KCNIP4: variants seen among roughly 807,000 people sequenced by gnomAD.
KCNIP4 encodes the protein Kv channel-interacting protein 4.
KCNIP4 carries 12 observed loss-of-function variants against 34.0 expected under a neutral mutation model. The ratio of observed to expected loss-of-function variants is 0.35; its 90% CI spans 0.23 to 0.57. The LOEUF (loss-of-function observed/expected upper bound fraction) is 0.57, where lower values mean the gene tolerates loss of function less well. KCNIP4 is among the 20% of genes least tolerant of loss of function. KCNIP4 has a pLI of 0.83. For synonymous variants in KCNIP4, 124 were observed against 102.2 expected (o/e 1.21, Z -1.29); for missense variants, 238 against 311.7 (o/e 0.76, Z 1.78).
At chr4:20,888,895 C>G (rs1219072432) in intron 1 of KCNIP4, among the ~76,000 whole-genome samples, 1 of 152,112 alleles carries the variant, frequency 6.6e-6, no homozygotes, top group African/African-American at 2.4e-5. Context: ...GCTACCATGC[C>G]TGGTTTGTAA....
At chr4:21,447,806 C>T (rs986168677) in intron 1 of KCNIP4, among the ~76,000 whole-genome samples, 2 of 151,986 alleles carry the variant, frequency 1.3e-5, no homozygotes, top group Admixed American at 1.3e-4. Context: ...CTGAGAGCTA[C>T]TAAGTGATTA....
intron 1 of KCNIP4, among the ~76,000 whole-genome samples, chr4:21,300,672 T>C (rs1711569308): frequency 6.6e-6 from 1 of 152,164 alleles, no homozygotes; most frequent in Non-Finnish European, 1.5e-5. Flanking sequence ...GATGTTTCTC[T>C]ATTCTCTTGA....
At chr4:21,863,370 T>G (rs746530044) in intron 1 of KCNIP4, among the ~76,000 whole-genome samples, 8 of 152,028 alleles carry the variant, frequency 5.3e-5, no homozygotes, top group Non-Finnish European at 1.0e-4. Context: ...GCAACAGCAT[T>G]CTGCTTCCTG....
At chr4:21,835,202 GATA>G (rs1376059970) in intron 1 of KCNIP4, among the ~76,000 whole-genome samples, 1 of 152,020 alleles carries the variant, frequency 6.6e-6, no homozygotes, top group Non-Finnish European at 1.5e-5. Context: ...TATGAAAGAT[GATA>G]ATAAATTCTA....
chr4:21,202,228 C>T (rs1041103909), intron 1 of KCNIP4, among the ~76,000 whole-genome samples: 2 of 152,200 alleles, frequency 1.3e-5, no homozygotes, highest in South Asian at 4.1e-4. Flanking sequence ...GATGTATACA[C>T]CATGGAATAC....
At chr4:21,469,667 A>C (rs971577117) in intron 1 of KCNIP4, among the ~76,000 whole-genome samples, 3 of 152,110 alleles carry the variant, frequency 2.0e-5, no homozygotes, top group Admixed American at 6.6e-5. Flanking sequence ...TAACAGCTCT[A>C]CTTTGCAGAC....
chr4:20,903,700 C>G (rs1435548425), intron 1 of KCNIP4, among the ~76,000 whole-genome samples: 1 of 152,142 alleles, frequency 6.6e-6, no homozygotes, highest in African/African-American at 2.4e-5. Context: ...AGCTGCGCCC[C>G]AATCACCTTG....
intron 1 of KCNIP4, among the ~76,000 whole-genome samples, chr4:21,765,845 T>G (rs115498641): frequency 0.035 from 4,134 of 116,976 alleles, 190 homozygotes; most frequent in African/African-American, 0.11. Context: ...AAAAACAAAC[T>G]GAAGATGTGT....
chr4:21,639,567 AG>A (rs1746465035), intron 1 of KCNIP4, among the ~76,000 whole-genome samples: 2 of 120,014 alleles, frequency 1.7e-5, no homozygotes, highest in South Asian at 5.4e-4. Context: ...CAATCTGACA[AG>A]AATATTGATA....
intron 1 of KCNIP4, among the ~76,000 whole-genome samples, chr4:21,696,363 C>T (rs557158066): frequency 2.6e-5 from 4 of 151,782 alleles, no homozygotes; most frequent in Non-Finnish European, 5.9e-5. Flanking sequence ...AAATGTGACA[C>T]GATATCATAA....
chr4:21,741,170 T>C (rs1334005303), intron 1 of KCNIP4, among the ~76,000 whole-genome samples: 1 of 152,200 alleles, frequency 6.6e-6, no homozygotes, highest in African/African-American at 2.4e-5. Flanking sequence ...CCCAATTTTA[T>C]TTTTTCCATT....
chr4:21,933,237 C>T (rs577965789), intron 1 of KCNIP4, among the ~76,000 whole-genome samples: 1 of 152,046 alleles, frequency 6.6e-6, no homozygotes, highest in Non-Finnish European at 1.5e-5. Context: ...TTATCTTGTT[C>T]CCCTGCTTAA....
At chr4:21,230,465 C>A (rs969609578) in intron 1 of KCNIP4, among the ~76,000 whole-genome samples, 1 of 152,150 alleles carries the variant, frequency 6.6e-6, no homozygotes, top group Non-Finnish European at 1.5e-5. Flanking sequence ...TTAAGTCCCG[C>A]GTGCATTAGC....
At chr4:20,903,345 C>T (rs976456609) in intron 1 of KCNIP4, among the ~76,000 whole-genome samples, 3 of 152,054 alleles carry the variant, frequency 2.0e-5, no homozygotes, top group African/African-American at 7.2e-5. Flanking sequence ...ACACTTTGGT[C>T]ATATATTACT....
At chr4:20,848,304 G>A (rs1225929961) in intron 3 of KCNIP4, among the ~76,000 whole-genome samples, 1 of 151,692 alleles carries the variant, frequency 6.6e-6, no homozygotes, top group Admixed American at 6.6e-5. Flanking sequence ...AGAGGAGGAT[G>A]GGGAAGAGCT....
chr4:21,728,602 C>T (rs1197912571), intron 1 of KCNIP4, among the ~76,000 whole-genome samples: 1 of 152,146 alleles, frequency 6.6e-6, no homozygotes, highest in Non-Finnish European at 1.5e-5. Flanking sequence ...CTACCCATTC[C>T]ATTTGAGGAA....
chr4:21,920,220 T>C (rs1728863128), intron 1 of KCNIP4, among the ~76,000 whole-genome samples: 2 of 152,140 alleles, frequency 1.3e-5, no homozygotes, highest in South Asian at 4.1e-4. Context: ...CTTTACTAAA[T>C]ACAACTGAGT....
chr4:21,519,725 C>CGT lies in KCNIP4; in HGVS notation c.61+428844_61+428845dup, dbSNP rs1560480944. ...GTGTATGTATGTGTATATATACACA[C>CGT]GTGTGTATATGTATGATACACACGT... On this transcript the variant is annotated intron_variant, in intron 1 of 8. Coordinates refer to ENST00000382152, the MANE Select transcript of KCNIP4 (RefSeq NM_025221.6). Among the ~76,000 whole-genome samples the CGT allele has an allele frequency of 4.2e-4, 47 of 112,050 alleles. 3 individuals are homozygous for CGT. The East Asian group carries it at 4.6e-3, about 11-fold the overall frequency. The allele number at this position is 112,050 out of a possible 152,430, so 73.5% of individuals were successfully genotyped here.
rs1332897140 is a variant in KCNIP4 at position 20,832,740 on chromosome 4, A to C, written c.288+17803T>G. 4.0e-5 allele frequency among the ~76,000 whole-genome samples: 6 copies of C among 151,774 alleles called. No homozygotes were observed. In the South Asian group the frequency reaches 1.2e-3, roughly 32 times the overall value. The stretch of plus-strand genomic sequence containing the variant: ...TGCTTTTTATTTAAAAAAAAAAAAA[A>C]AGGTCCTCAGCATGAAGGATTTGGT... On this transcript the variant is annotated intron_variant, in intron 3 of 8. Transcript: ENST00000382152.
Sources: allele counts gnomAD v4.1 joint callset (sites outside exome capture counted in the v4.1 genomes callset), GRCh38; gene constraint gnomAD v4.1.1; transcripts MANE v1.5; gene names NCBI Gene and HGNC (gene_info 2026-07-23, HGNC 2026-07-21).